Variants in EPB41L1 observed in about 807,000 individuals in gnomAD.
EPB41L1 encodes the protein erythrocyte membrane protein band 4.1 like 1.
EPB41L1 carries 29 observed loss-of-function variants against 97.8 expected under a neutral mutation model. That is an observed-to-expected ratio of 0.30 (90% CI 0.22 to 0.40). The LOEUF is 0.40. EPB41L1 is among the 10% of genes least tolerant of loss of function. The pLI is 1.00. For synonymous variants in EPB41L1, 383 were observed against 459.2 expected (o/e 0.83, Z 2.12); for missense variants, 812 against 1,162.3 (o/e 0.70, Z 4.38).
chr20:36,145,569 C>T (rs886687681), intron 2 of EPB41L1, among the ~76,000 whole-genome samples: 1 of 152,096 alleles, frequency 6.6e-6, no homozygotes, highest in African/African-American at 2.4e-5. Flanking sequence ...TCCTTCACTC[C>T]GGTCACTGAG....
chr20:36,203,961 C>G (rs1325024131), intron 14 of EPB41L1, among the ~76,000 whole-genome samples: 1 of 152,146 alleles, frequency 6.6e-6, no homozygotes, highest in Non-Finnish European at 1.5e-5. Context: ...AGACTCCTCA[C>G]CAAGTCATAA....
At chr20:36,125,510 A>C (rs1175585429) in intron 2 of EPB41L1, 1 of 1,497,520 alleles carries the variant, frequency 6.7e-7, no homozygotes, top group East Asian at 2.5e-5. Context: ...CCTAGCACCT[A>C]CTGAGCGCTC....
chr20:36,164,137 C>T (rs2060641275), intron 1 of EPB41L1, among the ~76,000 whole-genome samples: 1 of 152,236 alleles, frequency 6.6e-6, no homozygotes, highest in Admixed American at 6.5e-5. Context: ...AGCCACTGTG[C>T]CCGGCCCCTG....
At chr20:36,135,243 G>A (rs2059375130) in intron 2 of EPB41L1, among the ~76,000 whole-genome samples, 1 of 152,064 alleles carries the variant, frequency 6.6e-6, no homozygotes, top group South Asian at 2.1e-4. Context: ...ACCATATGAG[G>A]TATGTATATG....
chr20:36,115,004 C>G (rs1311366776), intron 2 of EPB41L1, among the ~76,000 whole-genome samples: 1 of 151,982 alleles, frequency 6.6e-6, no homozygotes, highest in Non-Finnish European at 1.5e-5. Context: ...GCTGTAACTC[C>G]CCTCTTCAGT....
At chr20:36,176,822 G>C (rs796354985) in intron 3 of EPB41L1, among the ~76,000 whole-genome samples, 3 of 152,008 alleles carry the variant, frequency 2.0e-5, no homozygotes, top group African/African-American at 7.2e-5. Context: ...AGTAGAGACA[G>C]GGTTTCACCA....
chr20:36,223,046 G>A (rs953635878), intron 21 of EPB41L1, among the ~76,000 whole-genome samples: 4 of 152,164 alleles, frequency 2.6e-5, no homozygotes, highest in African/African-American at 4.8e-5. Context: ...ACAGGCGCCC[G>A]CCACTGCGCC....
At chr20:36,169,099 A>T (rs1285911067) in intron 1 of EPB41L1, among the ~76,000 whole-genome samples, 5 of 151,490 alleles carry the variant, frequency 3.3e-5, no homozygotes, top group Non-Finnish European at 7.4e-5. Flanking sequence ...GGTGGCGGTC[A>T]CCTGTAATCC....
intron 1 of EPB41L1, among the ~76,000 whole-genome samples, chr20:36,167,770 T>C (rs1202630617): frequency 1.3e-5 from 2 of 151,822 alleles, no homozygotes; most frequent in African/African-American, 4.8e-5. Flanking sequence ...AGGGTGTCCA[T>C]TGAGAGTTTT....
chr20:36,183,310 G>T (rs79160647), intron 6 of EPB41L1, among the ~76,000 whole-genome samples: 1 of 152,180 alleles, frequency 6.6e-6, no homozygotes, highest in Non-Finnish European at 1.5e-5. Flanking sequence ...TGTTGATTGC[G>T]TGTTTGCCAG....
intron 1 of EPB41L1, among the ~76,000 whole-genome samples, chr20:36,170,005 C>T (rs1224006950): frequency 6.6e-6 from 1 of 152,180 alleles, no homozygotes. Flanking sequence ...AGTCTGTGCT[C>T]ACCTGGGCCT....
At chr20:36,184,165 G>T (rs1233513476) in intron 6 of EPB41L1, among the ~76,000 whole-genome samples, 1 of 152,064 alleles carries the variant, frequency 6.6e-6, no homozygotes, top group Non-Finnish European at 1.5e-5. Context: ...AACCTGAGAG[G>T]CAGAGGTTGC....
At chr20:36,197,816 G>A (rs1433346622) in intron 13 of EPB41L1, 43 bp from the exon 14 acceptor site, 9 of 1,613,880 alleles carry the variant, frequency 5.6e-6, no homozygotes, top group Non-Finnish European at 7.6e-6. Flanking sequence ...TCCCCGCTTG[G>A]AGCTGTTCCC....
At chr20:36,197,422 G>A (rs1044810190) in intron 13 of EPB41L1, among the ~76,000 whole-genome samples, 22 of 152,344 alleles carry the variant, frequency 1.4e-4, no homozygotes, top group African/African-American at 4.8e-4. Context: ...GAGCAGCCCA[G>A]TGAATAGGAT....
At position 36,219,835 on chromosome 20, in the gene EPB41L1, T is replaced by C. The variant is rs763101284; in HGVS notation, c.2430T>C (p.His810=). Residue 810 remains histidine, a synonymous_variant, in exon 19 of 22, where the codon CAT becomes CAC. Transcript: ENST00000338074. ...AETLSTSTTT[H]VTKTVKGGFS... Reference sequence around the variant, plus strand: ...CCCTCTCAACCTCCACCACCACCCATGTCACCAAAGTGAGTAGCAGCAGGG... The same window carrying C: ...CCCTCTCAACCTCCACCACCACCCACGTCACCAAAGTGAGTAGCAGCAGGG... 5.6e-6 allele frequency: 9 copies of C among 1,614,040 alleles called. No individual in the cohort carries two copies. In the South Asian group the frequency reaches 8.8e-5, roughly 16 times the overall value.
At chr20:36,222,598 G>A (rs1428569802) in intron 21 of EPB41L1, among the ~76,000 whole-genome samples, 2 of 152,084 alleles carry the variant, frequency 1.3e-5, no homozygotes, top group Non-Finnish European at 2.9e-5. Context: ...AGGAAGACTG[G>A]TTCCTTGGTT....
At chr20:36,228,196 T>C (rs184723803) in intron 21 of EPB41L1, among the ~76,000 whole-genome samples, 74 of 152,302 alleles carry the variant, frequency 4.9e-4, no homozygotes, top group African/African-American at 1.7e-3. Flanking sequence ...AGGCACAGTG[T>C]TGAACACTGG....
chr20:36,174,122 T>G (rs545247547), intron 2 of EPB41L1, among the ~76,000 whole-genome samples, 168 bp downstream of exon 2: 31 of 152,282 alleles, frequency 2.0e-4, no homozygotes, highest in African/African-American at 7.0e-4. Context: ...TTATTTTATT[T>G]TCTTTTTTGA....
intron 1 of EPB41L1, among the ~76,000 whole-genome samples, chr20:36,162,289 C>T (rs985092765): frequency 6.6e-6 from 1 of 152,222 alleles, no homozygotes; most frequent in Non-Finnish European, 1.5e-5. Flanking sequence ...GTAAAGTGCC[C>T]TGCATGTGGG....
Sources: allele counts gnomAD v4.1 joint callset (sites outside exome capture counted in the v4.1 genomes callset), GRCh38; gene constraint gnomAD v4.1.1; transcripts MANE v1.5; gene names NCBI Gene and HGNC (gene_info 2026-07-23, HGNC 2026-07-21).